ZCCHC17: variants seen among roughly 807,000 people sequenced by gnomAD.
ZCCHC17 encodes zinc finger CCHC-type containing 17, also known as zinc finger CCHC domain-containing protein 17.
In ZCCHC17, 18 loss-of-function variants were observed where a neutral mutation model predicts 30.6. The ratio of observed to expected loss-of-function variants is 0.59; its 90% CI spans 0.41 to 0.87. ZCCHC17 has a LOEUF of 0.87. Ranked by LOEUF, ZCCHC17 falls within the 40% of genes least tolerant of loss-of-function variation. The pLI is 0.00. For missense variants in ZCCHC17, 263 were observed against 284.2 expected, an observed-to-expected ratio of 0.93 and a Z score of 0.54; for synonymous variants, 88 against 92.4, an observed-to-expected ratio of 0.95 and a Z score of 0.27.
intron 6 of ZCCHC17, among the ~76,000 whole-genome samples, chr1:31,347,152 C>T (rs1639305279): frequency 6.6e-6 from 1 of 152,230 alleles, no homozygotes; most frequent in Non-Finnish European, 1.5e-5. Context: ...ATCTTTATCT[C>T]TTTAATGTCA....
intron 7 of ZCCHC17, among the ~76,000 whole-genome samples, chr1:31,354,104 C>T (rs888250109): frequency 2.0e-5 from 3 of 152,140 alleles, no homozygotes; most frequent in African/African-American, 7.2e-5. Context: ...TTTGTATCTT[C>T]TTTAATTTCA....
At chr1:31,320,109 C>G (rs192644427) in intron 3 of ZCCHC17, among the ~76,000 whole-genome samples, 45 of 152,236 alleles carry the variant, frequency 3.0e-4, no homozygotes, top group African/African-American at 1.1e-3. Flanking sequence ...AAAAGATACT[C>G]ATTCTCCGTA....
intron 7 of ZCCHC17, among the ~76,000 whole-genome samples, chr1:31,357,130 T>A (rs1249804805): frequency 6.6e-6 from 1 of 152,220 alleles, no homozygotes; most frequent in Admixed American, 6.5e-5. Flanking sequence ...CTTTTGATTT[T>A]ACCATATGAT....
At chr1:31,339,844 C>T (rs549985975) in intron 5 of ZCCHC17, among the ~76,000 whole-genome samples, 9 of 151,950 alleles carry the variant, frequency 5.9e-5, no homozygotes, top group Non-Finnish European at 7.4e-5. Flanking sequence ...CTGAAAACAA[C>T]ATCTTACTTT....
At position 31,364,582 on chromosome 1, in the gene ZCCHC17, T is replaced by C. The variant is rs190374029; in HGVS notation, c.*389T>C. The C allele has an allele frequency of 2.0e-4, 42 of 205,050 alleles. No individual in the cohort carries two copies. The highest frequency in any genetic ancestry group is 1.8e-3 in the Admixed American group (34 of 19,278). 12.7% of individuals were successfully genotyped at this position (205,050 alleles called of 1,614,324 possible). ...GTGAGTTCGGCTGTAGTTAGAGTGATTGGACCCTTCCTATTGGTCTGTCCT... is the reference window on the plus strand; with the variant it reads ...GTGAGTTCGGCTGTAGTTAGAGTGACTGGACCCTTCCTATTGGTCTGTCCT... On this transcript the variant is annotated 3_prime_UTR_variant, in exon 8 of 8. Coordinates refer to ENST00000344147, the MANE Select transcript of ZCCHC17 (RefSeq NM_016505.4).
intron 1 of ZCCHC17, 110 bp from the exon 2 acceptor site, chr1:31,309,934 G>A: frequency 1.8e-6 from 1 of 553,094 alleles, no homozygotes; most frequent in Non-Finnish European, 3.1e-6. Context: ...AAAAGTGTAT[G>A]GTGTTAAATC....
At chr1:31,317,026 T>A in intron 2 of ZCCHC17, among the ~76,000 whole-genome samples, 1 of 140,838 alleles carries the variant, frequency 7.1e-6, no homozygotes, top group Non-Finnish European at 1.5e-5. Flanking sequence ...CTTTTTTTCT[T>A]TTTTTTTTTT....
At chr1:31,315,416 C>T (rs561776283) in intron 2 of ZCCHC17, among the ~76,000 whole-genome samples, 1 of 152,112 alleles carries the variant, frequency 6.6e-6, no homozygotes, top group Admixed American at 6.6e-5. Flanking sequence ...TCCTGTCATC[C>T]TCTGAGAAGC....
rs1260470100 is a variant in ZCCHC17 at position 31,316,875 on chromosome 1, C to T, written c.67-2234C>T. Among the ~76,000 whole-genome samples, 16 of 152,102 alleles carry T rather than the reference C, an allele frequency of 1.1e-4. 1 individual carries two copies. Among genetic ancestry groups the T allele is most frequent in the Admixed American group, 9.8e-4 (15 of 15,262 alleles). On this transcript the variant is annotated intron_variant, in intron 2 of 7. Coordinates refer to ENST00000344147, the MANE Select transcript of ZCCHC17 (RefSeq NM_016505.4). The stretch of plus-strand genomic sequence containing the variant: ...TTGTCTTGGAGAGTTAATTCAAGTG[C>T]TCCATCCGATGTCTCCATTAAAAAA...
intron 3 of ZCCHC17, among the ~76,000 whole-genome samples, chr1:31,323,423 G>T (rs57677732): frequency 2.4e-4 from 36 of 151,866 alleles, no homozygotes; most frequent in African/African-American, 8.2e-4. Flanking sequence ...CTGGGTTCAC[G>T]CCATTCTCCT....
intron 3 of ZCCHC17, among the ~76,000 whole-genome samples, chr1:31,330,346 A>C (rs1557441210): frequency 6.6e-6 from 1 of 152,196 alleles, no homozygotes; most frequent in Admixed American, 6.5e-5. Context: ...AGATGGGACT[A>C]ATTCTGTTTA....
At chr1:31,340,610 C>T (rs1176763966) in intron 5 of ZCCHC17, among the ~76,000 whole-genome samples, 2 of 152,312 alleles carry the variant, frequency 1.3e-5, no homozygotes, top group Non-Finnish European at 1.5e-5. Context: ...AGCCACCGCG[C>T]CCGGCCCTTG....
At chr1:31,348,570 C>G (rs1639356498) in intron 6 of ZCCHC17, among the ~76,000 whole-genome samples, 1 of 152,174 alleles carries the variant, frequency 6.6e-6, no homozygotes, top group African/African-American at 2.4e-5. Flanking sequence ...AACCTGCATC[C>G]TCATATCCTT....
chr1:31,320,967 G>A (rs1298952857), intron 3 of ZCCHC17, among the ~76,000 whole-genome samples: 2 of 152,038 alleles, frequency 1.3e-5, no homozygotes, highest in Non-Finnish European at 1.5e-5. Context: ...TCTGGGTATG[G>A]CCATCCTAAT....
At chr1:31,322,491 C>G (rs1162349344) in intron 3 of ZCCHC17, among the ~76,000 whole-genome samples, 1 of 152,216 alleles carries the variant, frequency 6.6e-6, no homozygotes, top group Non-Finnish European at 1.5e-5. Flanking sequence ...AAGAAGTACA[C>G]AGGGTGAGAC....
chr1:31,334,864 A>G (rs1314041903), intron 3 of ZCCHC17, among the ~76,000 whole-genome samples: 4 of 152,234 alleles, frequency 2.6e-5, no homozygotes, highest in African/African-American at 4.8e-5. Context: ...CCTGTCTTAA[A>G]AATACATTGA....
chr1:31,326,243 T>C (rs1045920526), intron 3 of ZCCHC17, among the ~76,000 whole-genome samples: 1 of 152,152 alleles, frequency 6.6e-6, no homozygotes, highest in Non-Finnish European at 1.5e-5. Context: ...GGGATGTACA[T>C]GGAAGAGGGA....
chr1:31,342,991 G>A (rs1639101862), intron 5 of ZCCHC17, among the ~76,000 whole-genome samples: 1 of 152,178 alleles, frequency 6.6e-6, no homozygotes, highest in African/African-American at 2.4e-5. Context: ...AAGAGGATAT[G>A]GTCAAGTACT....
chr1:31,338,175 G>A lies in ZCCHC17; in HGVS notation c.226-782G>A, dbSNP rs896469336. Reference sequence around the variant, plus strand: ...TTTTTAATTTTTTTGTCAAGATGGGGTCTCACTGTGTTACTACCCAGGCTG... The same window carrying A: ...TTTTTAATTTTTTTGTCAAGATGGGATCTCACTGTGTTACTACCCAGGCTG... On this transcript the variant is annotated intron_variant, in intron 4 of 7. Coordinates refer to ENST00000344147, the MANE Select transcript of ZCCHC17 (RefSeq NM_016505.4). 4.0e-5 allele frequency among the ~76,000 whole-genome samples: 6 copies of A among 148,612 alleles called. No individual in the cohort carries two copies. The South Asian group carries it at 1.3e-3, about 32-fold the overall frequency.
Sources: gnomAD v4.1 joint callset for allele counts (sites outside exome capture counted in the v4.1 genomes callset) on GRCh38, gnomAD v4.1.1 for gene constraint, MANE v1.5 for transcripts, NCBI Gene and HGNC (gene_info 2026-07-23, HGNC 2026-07-21) for gene names.